The following LRRTM4 variants were observed in gnomAD, a reference collection of about 807,000 sequenced individuals.
LRRTM4 encodes the protein leucine rich repeat transmembrane neuronal 4.
Under a neutral mutation model 47.6 loss-of-function variants are expected in LRRTM4, and 25 were observed. The ratio of observed to expected loss-of-function variants is 0.53; its 90% confidence interval spans 0.38 to 0.73. LRRTM4 has a LOEUF of 0.73. Ranked by LOEUF, LRRTM4 falls within the 30% of genes least tolerant of loss-of-function variation. The pLI, the probability that LRRTM4 is intolerant of heterozygous loss-of-function variation, is 0.00. For missense variants in LRRTM4, 638 were observed against 713.4 expected (o/e 0.89, Z 1.20); for synonymous variants, 311 against 269.5 (o/e 1.15, Z -1.51).
intron 3 of LRRTM4, among the ~76,000 whole-genome samples, chr2:76,772,516 A>G (rs1673755514): frequency 6.6e-6 from 1 of 152,214 alleles, no homozygotes; most frequent in Non-Finnish European, 1.5e-5. Flanking sequence ...TTTAAAAATC[A>G]TAACCTAGTT....
At chr2:76,960,524 G>A (rs1454750846) in intron 3 of LRRTM4, among the ~76,000 whole-genome samples, 5 of 151,482 alleles carry the variant, frequency 3.3e-5, no homozygotes, top group African/African-American at 7.3e-5. Context: ...AACAGAAACT[G>A]TGAGACCTTA....
At chr2:76,761,359 C>A (rs1305904839) in intron 3 of LRRTM4, among the ~76,000 whole-genome samples, 1 of 152,184 alleles carries the variant, frequency 6.6e-6, no homozygotes, top group Non-Finnish European at 1.5e-5. Context: ...TATTTATATC[C>A]TTGCTGGTGA....
intron 3 of LRRTM4, among the ~76,000 whole-genome samples, chr2:76,794,257 A>C (rs547981416): frequency 1.3e-5 from 2 of 152,322 alleles, no homozygotes; most frequent in East Asian, 1.9e-4. Context: ...TCTTATACTC[A>C]GAAGAGAGAA....
chr2:76,915,873 GATT>G (rs1674225597), intron 3 of LRRTM4, among the ~76,000 whole-genome samples: 1 of 152,040 alleles, frequency 6.6e-6, no homozygotes, highest in South Asian at 2.1e-4. Flanking sequence ...TATAAAAGTA[GATT>G]ATTAAATAAT....
chr2:77,347,996 A>G (rs546867110), intron 3 of LRRTM4, among the ~76,000 whole-genome samples: 1 of 151,282 alleles, frequency 6.6e-6, no homozygotes, highest in Admixed American at 6.6e-5. Flanking sequence ...CAAACTTGAA[A>G]AAAACCAAAC....
chr2:77,299,377 G>A (rs577531020), intron 3 of LRRTM4, among the ~76,000 whole-genome samples: 16 of 149,964 alleles, frequency 1.1e-4, no homozygotes, highest in Admixed American at 6.7e-4. Flanking sequence ...ATATATATAC[G>A]TATATATGTG....
At chr2:77,191,297 C>G (rs1027815742) in intron 3 of LRRTM4, among the ~76,000 whole-genome samples, 2 of 151,768 alleles carry the variant, frequency 1.3e-5, no homozygotes, top group African/African-American at 2.4e-5. Flanking sequence ...GAAACAAAAT[C>G]TTAAATAAGG....
At chr2:76,786,256 A>T (rs4853271) in intron 3 of LRRTM4, among the ~76,000 whole-genome samples, 2 of 151,612 alleles carry the variant, frequency 1.3e-5, no homozygotes, top group Non-Finnish European at 3.0e-5. Context: ...TTACAGCAAT[A>T]TTTTCCAATT....
At chr2:77,093,014 A>G (rs1343484310) in intron 3 of LRRTM4, among the ~76,000 whole-genome samples, 7 of 146,582 alleles carry the variant, frequency 4.8e-5, no homozygotes, top group African/African-American at 1.9e-4. Flanking sequence ...CAGCCCATTT[A>G]AGCTCCTTTA....
At chr2:77,263,107 T>A (rs1271855864) in intron 3 of LRRTM4, among the ~76,000 whole-genome samples, 2 of 152,036 alleles carry the variant, frequency 1.3e-5, no homozygotes, top group African/African-American at 4.8e-5. Context: ...ATTTAATCAA[T>A]CATACCTAAG....
At chr2:77,497,516 CCCTTATG>C (rs1678408754) in intron 3 of LRRTM4, among the ~76,000 whole-genome samples, 1 of 151,178 alleles carries the variant, frequency 6.6e-6, no homozygotes, top group African/African-American at 2.4e-5. Context: ...TTCCACATCT[CCCTTATG>C]CCACACTTTT....
At chr2:77,250,605 A>T (rs1471194024) in intron 3 of LRRTM4, among the ~76,000 whole-genome samples, 1 of 152,214 alleles carries the variant, frequency 6.6e-6, no homozygotes, top group Non-Finnish European at 1.5e-5. Flanking sequence ...AAATGTACAT[A>T]TATGCATTAA....
chr2:77,178,902 C>T (rs1451349416), intron 3 of LRRTM4, among the ~76,000 whole-genome samples: 2 of 152,178 alleles, frequency 1.3e-5, no homozygotes, highest in East Asian at 3.9e-4. Flanking sequence ...GGCCAACTTA[C>T]ATTCATACCA....
intron 3 of LRRTM4, among the ~76,000 whole-genome samples, chr2:77,133,723 G>C (rs550966680): frequency 6.6e-6 from 1 of 152,114 alleles, no homozygotes; most frequent in Non-Finnish European, 1.5e-5. Context: ...AGAGTTTCAT[G>C]AAAAAAGTAG....
intron 3 of LRRTM4, among the ~76,000 whole-genome samples, chr2:76,781,625 C>T (rs563908032): frequency 1.4e-3 from 211 of 152,348 alleles, no homozygotes; most frequent in Middle Eastern, 6.8e-3. Context: ...GCGCATGGTG[C>T]GCGCACCCAC....
At chr2:76,965,381 G>A in intron 3 of LRRTM4, among the ~76,000 whole-genome samples, 1 of 151,202 alleles carries the variant, frequency 6.6e-6, no homozygotes, top group Non-Finnish European at 1.5e-5. Context: ...TTTCAGCTAG[G>A]CAAGGTTGAT....
chr2:77,319,517 G>A lies in LRRTM4; in HGVS notation c.1551+198801C>T, dbSNP rs373009168. Among the ~76,000 whole-genome samples the A allele has an allele frequency of 5.9e-5, 9 of 152,130 alleles. No individual in the cohort carries two copies. In the East Asian group the frequency reaches 9.7e-4, roughly 16 times the overall value. ...TTCAAGCTGATTTGGTTCTCACTGC[G>A]GAGCCTAGGGGAGTAAGTGGTTCAG... On this transcript the variant is annotated intron_variant, in intron 3 of 3. Coordinates refer to ENST00000409884, the MANE Select transcript of LRRTM4 (RefSeq NM_001134745.3).
At chr2:77,052,062 C>G (rs1679450765) in intron 3 of LRRTM4, among the ~76,000 whole-genome samples, 1 of 150,432 alleles carries the variant, frequency 6.6e-6, no homozygotes, top group African/African-American at 2.5e-5. Flanking sequence ...TGACCTTTGA[C>G]CATGAGAGGG....
intron 3 of LRRTM4, among the ~76,000 whole-genome samples, chr2:77,044,374 A>T (rs114011875): frequency 6.6e-6 from 1 of 151,834 alleles, no homozygotes; most frequent in Non-Finnish European, 1.5e-5. Context: ...TACATCAAAC[A>T]GTCCAAACAT....
Sources: gnomAD v4.1 joint callset for allele counts (sites outside exome capture counted in the v4.1 genomes callset) on GRCh38, gnomAD v4.1.1 for gene constraint, MANE v1.5 for transcripts, NCBI Gene and HGNC (gene_info 2026-07-23, HGNC 2026-07-21) for gene names.